SLC39A12: variants seen among roughly 807,000 people sequenced by gnomAD.
The protein encoded by SLC39A12 is solute carrier family 39 member 12.
In SLC39A12, 63 loss-of-function variants were observed where a neutral mutation model predicts 71.1. The observed-to-expected ratio is 0.89, with a 90% CI of 0.72 to 1.09. SLC39A12 has a LOEUF of 1.09. Ranked by LOEUF, SLC39A12 falls within the 50% of genes least tolerant of loss-of-function variation. The pLI is 0.00. For synonymous variants in SLC39A12, 351 were observed against 301.3 expected (o/e 1.16, Z -1.71); for missense variants, 892 against 812.6 (o/e 1.10, Z -1.19).
At chr10:17,973,105 A>C (rs1835016369) in intron 4 of SLC39A12, among the ~76,000 whole-genome samples, 1 of 152,158 alleles carries the variant, frequency 6.6e-6, no homozygotes, top group Admixed American at 6.5e-5. Context: ...AAAACCAAGC[A>C]AAAAGAACAT....
intron 4 of SLC39A12, among the ~76,000 whole-genome samples, chr10:17,977,613 C>T (rs1168075590): frequency 6.6e-6 from 1 of 152,062 alleles, no homozygotes; most frequent in Non-Finnish European, 1.5e-5. Flanking sequence ...ATTTGATTGA[C>T]TTAACTAAAG....
chr10:17,983,004 C>T (rs375872068), intron 6 of SLC39A12, among the ~76,000 whole-genome samples: 31 of 151,062 alleles, frequency 2.1e-4, no homozygotes, highest in African/African-American at 5.1e-4. Flanking sequence ...TCCTGGCTAA[C>T]GCAGTGAAAC....
chr10:17,975,232 C>G (rs1000978712), intron 4 of SLC39A12, among the ~76,000 whole-genome samples: 4 of 152,104 alleles, frequency 2.6e-5, no homozygotes, highest in Non-Finnish European at 5.9e-5. Context: ...CTCAGGCCCC[C>G]CACCCCAAGA....
At chr10:17,993,569 G>A (rs1452014977) in intron 9 of SLC39A12, among the ~76,000 whole-genome samples, 4 of 152,202 alleles carry the variant, frequency 2.6e-5, no homozygotes, top group Non-Finnish European at 5.9e-5. Context: ...CTTAATCCTT[G>A]TGTTTACAAG....
rs763211521 is a variant in SLC39A12 at position 18,038,018 on chromosome 10, CAAAAAAAAAAAA to C, written c.1948-4665_1948-4654del. 8.7e-4 allele frequency among the ~76,000 whole-genome samples: 13 copies of C among 14,950 alleles called. 1 individual carries two copies. The highest frequency in any genetic ancestry group is 1.3e-3 in the Non-Finnish European group (11 of 8,296). 9.8% of individuals were successfully genotyped at this position (14,950 alleles called of 152,430 possible). A position where few individuals can be genotyped will look rare whatever the true frequency, so the allele number is the denominator to read the frequency against. The stretch of plus-strand genomic sequence containing the variant: ...CTAGTGACAGAGTGAGCCTCCATCT[CAAAAAAAAAAAA>C]AAAAAAAAAAAAAAAAAAAAAGCAC... On this transcript the variant is annotated intron_variant, in intron 12 of 12. Coordinates refer to ENST00000377369, the MANE Select transcript of SLC39A12 (RefSeq NM_001145195.2).
In SLC39A12 at chr10:18,030,325, C is replaced by A. The variant is rs1000408466; in HGVS notation, c.1948-12380C>A. Among the ~76,000 whole-genome samples, 4 of 151,662 alleles carry A rather than the reference C, an allele frequency of 2.6e-5. No individual in the cohort carries two copies. In the East Asian group the frequency reaches 5.8e-4, roughly 22 times the overall value. On this transcript the variant is annotated intron_variant, in intron 12 of 12. Transcript: ENST00000377369. ...TCGCCCAGGCTGGAGCACAGTGGCG[C>A]CTCCCAGGTTCATGCCATTCTCCTG... is the stretch of plus-strand genomic sequence containing the variant.
chr10:17,987,663 T>C lies in SLC39A12; in HGVS notation c.1269+12T>C, dbSNP rs553771055. On this transcript the variant is annotated intron_variant, in intron 7 of 12. Coordinates refer to ENST00000377369, the MANE Select transcript of SLC39A12 (RefSeq NM_001145195.2). ...ACCTTATCCCTCAGGTAATCTGGTCTTTTCCATTTCAGATAAAGTTCACTT... is the reference window on the plus strand; with the variant it reads ...ACCTTATCCCTCAGGTAATCTGGTCCTTTCCATTTCAGATAAAGTTCACTT... 1 of 1,613,638 alleles carries C rather than the reference T, an allele frequency of 6.2e-7. No homozygotes were observed. The highest frequency in any genetic ancestry group is 8.5e-7 in the Non-Finnish European group (1 of 1,179,910).
intron 12 of SLC39A12, among the ~76,000 whole-genome samples, chr10:18,042,411 C>T (rs777035570): frequency 6.2e-5 from 9 of 146,090 alleles, no homozygotes; most frequent in African/African-American, 7.7e-5. Context: ...GAAATGTGAT[C>T]GCAGCCATTG....
At chr10:17,974,904 A>T (rs1398625613) in intron 4 of SLC39A12, among the ~76,000 whole-genome samples, 1 of 151,844 alleles carries the variant, frequency 6.6e-6, no homozygotes, top group Admixed American at 6.5e-5. Context: ...AGGAGCCAGG[A>T]ACTAGAGTCA....
intron 12 of SLC39A12, among the ~76,000 whole-genome samples, chr10:18,013,876 A>G (rs368850475): frequency 9.9e-5 from 15 of 152,104 alleles, no homozygotes; most frequent in African/African-American, 3.4e-4. Context: ...CTAGTTTTGT[A>G]GTAAGTTTTG....
chr10:18,041,661 ATG>A (rs1159253534), intron 12 of SLC39A12, among the ~76,000 whole-genome samples: 8 of 90,122 alleles, frequency 8.9e-5, no homozygotes, highest in East Asian at 2.5e-4. Flanking sequence ...ATATGTATAT[ATG>A]TGTATATATA....
At chr10:18,018,766 G>A (rs1836452047) in intron 12 of SLC39A12, among the ~76,000 whole-genome samples, 1 of 152,024 alleles carries the variant, frequency 6.6e-6, no homozygotes, top group Non-Finnish European at 1.5e-5. Flanking sequence ...GTACATTGTT[G>A]GTTTTGATTT....
intron 4 of SLC39A12, among the ~76,000 whole-genome samples, chr10:17,976,126 G>T (rs1835103072): frequency 6.6e-6 from 1 of 152,094 alleles, no homozygotes; most frequent in Non-Finnish European, 1.5e-5. Flanking sequence ...GTTAAAACCA[G>T]GTATAACGAG....
intron 4 of SLC39A12, among the ~76,000 whole-genome samples, chr10:17,973,623 G>C (rs1835030234): frequency 6.6e-6 from 1 of 152,048 alleles, no homozygotes; most frequent in African/African-American, 2.4e-5. Context: ...GAGTTCCATT[G>C]TATATTTGTT....
chr10:17,962,793 C>T (rs1834725894), intron 3 of SLC39A12, among the ~76,000 whole-genome samples: 1 of 152,258 alleles, frequency 6.6e-6, no homozygotes, highest in South Asian at 2.1e-4. Context: ...GTGACTTTCA[C>T]ATCTGTAGCT....
At chr10:17,993,068 T>C (rs1214264725) in intron 8 of SLC39A12, 113 bp from the exon 9 acceptor site, 4 of 631,870 alleles carry the variant, frequency 6.3e-6, no homozygotes, top group African/African-American at 1.9e-5. Context: ...CAGTTCTCTT[T>C]TGTGGCAACT....
At chr10:17,962,223 C>T (rs1277799735) in intron 3 of SLC39A12, among the ~76,000 whole-genome samples, 6 of 152,184 alleles carry the variant, frequency 3.9e-5, no homozygotes, top group Admixed American at 3.9e-4. Context: ...TTCTATTTGC[C>T]TTGCCTTCTG....
intron 3 of SLC39A12, among the ~76,000 whole-genome samples, chr10:17,964,457 C>G (rs900056093): frequency 2.6e-5 from 4 of 152,298 alleles, no homozygotes; most frequent in African/African-American, 7.2e-5. Context: ...CCCTGGATCT[C>G]TCTTTTGATG....
chr10:18,032,315 T>C (rs1836872041), intron 12 of SLC39A12, among the ~76,000 whole-genome samples: 1 of 79,516 alleles, frequency 1.3e-5, no homozygotes, highest in Non-Finnish European at 2.4e-5. Context: ...TGTATCCTCT[T>C]TTATTTCCTT....
Sources: allele counts gnomAD v4.1 joint callset (sites outside exome capture counted in the v4.1 genomes callset), GRCh38; gene constraint gnomAD v4.1.1; transcripts MANE v1.5; gene names NCBI Gene and HGNC (gene_info 2026-07-23, HGNC 2026-07-21).